TACC2: variants seen among roughly 807,000 people sequenced by gnomAD.
TACC2 encodes transforming acidic coiled-coil containing protein 2.
TACC2 carries 137 observed loss-of-function variants against 227.3 expected under a neutral mutation model. The observed-to-expected ratio is 0.60, with a 90% CI of 0.52 to 0.69. The LOEUF is 0.69. TACC2 is among the 30% of genes least tolerant of loss of function. The pLI, the probability that TACC2 is intolerant of heterozygous loss-of-function variation, is 0.00. For missense variants in TACC2, 3,470 were observed against 3,694.4 expected (o/e 0.94, Z 1.57); for synonymous variants, 1,523 against 1,487.5 (o/e 1.02, Z -0.55).
intron 5 of TACC2, among the ~76,000 whole-genome samples, chr10:122,093,539 C>T (rs1054323932): frequency 6.6e-6 from 1 of 152,186 alleles, no homozygotes; most frequent in African/African-American, 2.4e-5. Flanking sequence ...ACCTCACCCC[C>T]GATTTTATAT....
chr10:122,025,656 C>G (rs1001793688), intron 2 of TACC2, among the ~76,000 whole-genome samples: 3 of 150,980 alleles, frequency 2.0e-5, no homozygotes, highest in Non-Finnish European at 4.4e-5. Flanking sequence ...TCACTGCAAC[C>G]TCCGCCTCCC....
chr10:122,252,684 G>A (rs1305655053), intron 22 of TACC2, among the ~76,000 whole-genome samples: 1 of 152,008 alleles, frequency 6.6e-6, no homozygotes, highest in Non-Finnish European at 1.5e-5. Flanking sequence ...GTAGTGACAG[G>A]GTTTCACCGT....
chr10:122,120,402 C>G (rs556097581), intron 5 of TACC2, among the ~76,000 whole-genome samples: 1 of 152,164 alleles, frequency 6.6e-6, no homozygotes, highest in African/African-American at 2.4e-5. Flanking sequence ...AAGAGGCACC[C>G]GCAGCCCTGG....
chr10:122,243,784 C>T (rs2096056414), intron 19 of TACC2, among the ~76,000 whole-genome samples: 1 of 152,170 alleles, frequency 6.6e-6, no homozygotes, highest in African/African-American at 2.4e-5. Context: ...TGGAAACATC[C>T]TGCTCCATCT....
chr10:122,163,859 C>T, intron 7 of TACC2: 3 of 1,517,360 alleles, frequency 2.0e-6, no homozygotes, highest in Non-Finnish European at 2.7e-6. Flanking sequence ...CGGCTCCCGG[C>T]TGCAGGAATC....
At chr10:122,179,393 G>A (rs1315056343) in intron 7 of TACC2, among the ~76,000 whole-genome samples, 1 of 152,170 alleles carries the variant, frequency 6.6e-6, no homozygotes, top group Non-Finnish European at 1.5e-5. Flanking sequence ...AGAATCTCTT[G>A]GAATTAAGAA....
chr10:122,102,738 T>C (rs2082314060), intron 5 of TACC2, among the ~76,000 whole-genome samples: 1 of 152,204 alleles, frequency 6.6e-6, no homozygotes, highest in South Asian at 2.1e-4. Context: ...AACACACGTC[T>C]GTCCGAGCAG....
rs1022263196 is a variant in TACC2 at position 122,141,504 on chromosome 10, G to A, written c.5700-2068G>A. Among the ~76,000 whole-genome samples the A allele has an allele frequency of 6.6e-6, 1 of 152,154 alleles. No homozygotes were observed. Among genetic ancestry groups the A allele is most frequent in the African/African-American group, 2.4e-5 (1 of 41,426 alleles). On this transcript the variant is annotated intron_variant, in intron 6 of 22. Transcript: ENST00000369005. This position sits in a 1 kb window ranked among gnomAD's most constrained non-coding sequence, Gnocchi z 4.3. ...CCCCTCAGGAACAGGAGCAGCTGTG[G>A]GTGTTAAGGGCAGGCGGGGGAGCTT... is the stretch of plus-strand genomic sequence containing the variant.
In TACC2 at chr10:122,132,595, T is replaced by C. The variant is rs754660546; in HGVS notation, c.5574-14T>C. On this transcript the variant is annotated splice_polypyrimidine_tract_variant and intron_variant, in intron 5 of 22. Transcript: ENST00000369005. ...TGTTTCTGAGTTTAGGTTCTTTCCC[T>C]TTTCTCTCCCCAGTTCACCTGTGGC... 6.8e-6 allele frequency: 11 copies of C among 1,613,862 alleles called. No homozygotes were observed. Among genetic ancestry groups the C allele is most frequent in the Non-Finnish European group, 9.3e-6 (11 of 1,179,818 alleles).
intron 8 of TACC2, among the ~76,000 whole-genome samples, chr10:122,206,981 G>A (rs565644621): frequency 1.5e-4 from 23 of 152,316 alleles, no homozygotes; most frequent in Admixed American, 3.3e-4. Flanking sequence ...CAGATATGCC[G>A]TGTGGATGTT....
chr10:122,070,809 C>G (rs2077966966), intron 3 of TACC2, among the ~76,000 whole-genome samples: 1 of 151,426 alleles, frequency 6.6e-6, no homozygotes, highest in East Asian at 1.9e-4. Context: ...CCTGTAGCCC[C>G]AGCTACTCGG....
rs368266470 is a variant in TACC2 at position 122,087,305 on chromosome 10, A to G, written c.4805A>G (p.Glu1602Gly). Residue 1602 changes from glutamate to glycine, a missense_variant, in exon 4 of 23, where the codon GAA (glutamate) becomes GGA (glycine). This residue lies in a region of TACC2 where 1,924 missense variants were observed against 1,978.3 expected (regional missense o/e 0.97). Transcript: ENST00000369005. The stretch of plus-strand genomic sequence containing the variant: ...ATTCCTTCTGGAAAGCAGCACCAGG[A>G]AACATCTGCCTGCGACAGTCCACAT... ...DRIPSGKQHQ[E>G]TSACDSPHGE... is the part of the protein sequence containing the mutation. 35 of 1,614,010 alleles carry G rather than the reference A, an allele frequency of 2.2e-5. No homozygotes were observed. In the Middle Eastern group the frequency reaches 1.3e-3, roughly 61 times the overall value.
rs59135261 is a variant in TACC2, at chr10:122,028,084, C to CTTTTTTTTTTTTTTTTTTTTTT, written c.33+6091_33+6092insTTTTTTTTTTTTTTTTTTTTTT. On this transcript the variant is annotated intron_variant, in intron 2 of 22. Coordinates refer to ENST00000369005, the MANE Select transcript of TACC2 (RefSeq NM_206862.4). ...TTTTTTCTTTTTTCTTTCTTTCTTT[C>CTTTTTTTTTTTTTTTTTTTTTT]TTTTTTTTTTTTTTTTTTTTTGAGA... is the stretch of plus-strand genomic sequence containing the variant. 1.5e-4 allele frequency among the ~76,000 whole-genome samples: 14 copies of CTTTTTTTTTTTTTTTTTTTTTT among 91,744 alleles called. 1 individual carries two copies. Among genetic ancestry groups the CTTTTTTTTTTTTTTTTTTTTTT allele is most frequent in the South Asian group, 4.2e-4 (1 of 2,360 alleles). The allele number at this position is 91,744 out of a possible 152,430, so 60.2% of individuals were successfully genotyped here.
intron 2 of TACC2, 26 bp downstream of exon 2, chr10:122,022,040 G>A: frequency 2.5e-6 from 4 of 1,613,622 alleles, no homozygotes; most frequent in Non-Finnish European, 3.4e-6. Context: ...CTTCTCTCTC[G>A]AGCTACGTGG....
At chr10:122,196,887 G>A (rs1402918750) in intron 8 of TACC2, among the ~76,000 whole-genome samples, 1 of 130,798 alleles carries the variant, frequency 7.6e-6, no homozygotes, top group Admixed American at 9.4e-5. Flanking sequence ...AGTGAGCGGA[G>A]ATCACACCAC....
At position 122,173,368 on chromosome 10, in the gene TACC2, G is replaced by T. The variant is rs573827688; in HGVS notation, c.5835-21672G>T. On this transcript the variant is annotated intron_variant, in intron 7 of 22. Coordinates refer to ENST00000369005, the MANE Select transcript of TACC2 (RefSeq NM_206862.4). The stretch of plus-strand genomic sequence containing the variant: ...CCCAGCCTCAGTGACCCAGAGCCAG[G>T]CTGGGGTCTGAAAAGAGAGCGGGGC... Among the ~76,000 whole-genome samples the T allele has an allele frequency of 5.5e-3, 841 of 152,338 alleles. 11 individuals are homozygous for T. Among genetic ancestry groups the T allele is most frequent in the Non-Finnish European group, 3.9e-3 (266 of 68,032 alleles).
At position 122,244,744 on chromosome 10, in the gene TACC2, C is replaced by T. The variant is rs79257640; in HGVS notation, c.8392+2743C>T. ...AGTTCAGGACCACCGTGACTGTAGT[C>T]GTATTTTGAAGTCAAACCAGCTCCA... On this transcript the variant is annotated intron_variant, in intron 19 of 22. Coordinates refer to ENST00000369005, the MANE Select transcript of TACC2 (RefSeq NM_206862.4). 9.7e-4 allele frequency among the ~76,000 whole-genome samples: 147 copies of T among 152,246 alleles called. 1 individual carries two copies. The highest frequency in any genetic ancestry group is 3.4e-3 in the Middle Eastern group (1 of 294).
At chr10:122,073,905 A>G (rs3862120) in intron 3 of TACC2, among the ~76,000 whole-genome samples, 18,280 of 151,190 alleles carry the variant, frequency 0.12, 1,237 homozygotes, top group Middle Eastern at 0.21. Context: ...TCAGCCTCCC[A>G]AGTAGCTGGG....
chr10:122,155,961 G>A (rs982776174), intron 7 of TACC2, among the ~76,000 whole-genome samples: 3 of 141,438 alleles, frequency 2.1e-5, no homozygotes, highest in African/African-American at 7.9e-5. Context: ...CCTCAGCCTC[G>A]CGAGTAGCTG....
Sources: allele counts gnomAD v4.1 joint callset (sites outside exome capture counted in the v4.1 genomes callset), GRCh38; gene constraint gnomAD v4.1.1; regional missense constraint gnomAD v4.1.1; non-coding constraint Gnocchi (gnomAD v3.1); transcripts MANE v1.5; gene names NCBI Gene and HGNC (gene_info 2026-07-23, HGNC 2026-07-21).